AMMECR1: variants seen among roughly 807,000 people sequenced by gnomAD.
AMMECR1 encodes AMMECR nuclear protein 1, also known as nuclear protein AMMECR1.
AMMECR1 carries 3 observed loss-of-function variants against 22.5 expected under a neutral mutation model. That is an observed-to-expected ratio of 0.13 (90% CI 0.06 to 0.35). The LOEUF is 0.35. Among genes scored for constraint, AMMECR1 ranks in the 10% least tolerant of loss-of-function variants. AMMECR1 has a pLI of 1.00. For missense variants in AMMECR1, 235 were observed against 278.7 expected, an observed-to-expected ratio of 0.84 and a Z score of 1.12; for synonymous variants, 130 against 116.7, an observed-to-expected ratio of 1.11 and a Z score of -0.74.
chrX:110,401,140 C>T (rs1280502509), intron 2 of AMMECR1, among the ~76,000 whole-genome samples: 1 of 112,344 alleles, frequency 8.9e-6, no homozygotes, highest in Non-Finnish European at 1.9e-5. Context: ...AGAGGAGTAA[C>T]AAAGATACAT....
intron 1 of AMMECR1, among the ~76,000 whole-genome samples, chrX:110,280,672 A>G (rs1008669095): frequency 2.7e-5 from 3 of 111,905 alleles, no homozygotes; most frequent in Admixed American, 9.5e-5. Context: ...CTACCCAAAG[A>G]AAATGAAAAT....
chrX:110,224,821 A>G (rs1200957267), intron 2 of AMMECR1, among the ~76,000 whole-genome samples: 1 of 111,923 alleles, frequency 8.9e-6, no homozygotes, highest in Non-Finnish European at 1.9e-5. Flanking sequence ...AAAACAAAAC[A>G]AAACAAAACA....
At chrX:110,314,416 T>C (rs965415802) in intron 1 of AMMECR1, among the ~76,000 whole-genome samples, 14 of 111,937 alleles carry the variant, frequency 1.3e-4, no homozygotes, top group African/African-American at 4.5e-4. Context: ...CACATTAAAC[T>C]CACCTGGTGA....
intron 2 of AMMECR1, among the ~76,000 whole-genome samples, chrX:110,238,851 A>T (rs1472265532): frequency 8.9e-6 from 1 of 112,202 alleles, no homozygotes; most frequent in East Asian, 2.8e-4. Context: ...CAGGGGAAGG[A>T]ACAGGCAGCA....
intron 2 of AMMECR1, among the ~76,000 whole-genome samples, chrX:110,258,468 CT>C (rs2067721786): frequency 1.8e-5 from 2 of 111,640 alleles, no homozygotes; most frequent in Non-Finnish European, 3.8e-5. Context: ...CAAACTGTAC[CT>C]TAAATTAAGT....
At chrX:110,378,920 G>A (rs770900824) in intron 2 of AMMECR1, among the ~76,000 whole-genome samples, 5 of 108,468 alleles carry the variant, frequency 4.6e-5, no homozygotes, top group Admixed American at 2.0e-4. Context: ...CTGGACACCC[G>A]TCCACCCCCC....
intron 2 of AMMECR1, chrX:110,346,832 T>G (rs754353331): frequency 1.5e-6 from 1 of 679,543 alleles, no homozygotes; most frequent in African/African-American, 2.1e-5. Flanking sequence ...GGGAAACTTT[T>G]ACGCTGTTGA....
chrX:110,272,497 T>C (rs1431393520), intron 1 of AMMECR1, among the ~76,000 whole-genome samples: 2 of 112,120 alleles, frequency 1.8e-5, no homozygotes, highest in African/African-American at 3.2e-5. Flanking sequence ...TGAAAACAGT[T>C]AAGCGTTTTT....
At chrX:110,357,011 T>C (rs1473417478) in intron 2 of AMMECR1, among the ~76,000 whole-genome samples, 1 of 112,049 alleles carries the variant, frequency 8.9e-6, no homozygotes, top group Non-Finnish European at 1.9e-5. Context: ...GAGAATTACT[T>C]TTCAAAATTC....
At chrX:110,220,009 T>C (rs1224201723) in intron 2 of AMMECR1, among the ~76,000 whole-genome samples, 1 of 111,889 alleles carries the variant, frequency 8.9e-6, no homozygotes, top group Non-Finnish European at 1.9e-5. Context: ...GCCAGGCTGG[T>C]GTGGATAGCT....
intron 2 of AMMECR1, among the ~76,000 whole-genome samples, chrX:110,349,020 G>C (rs2068201315): frequency 8.9e-6 from 1 of 112,026 alleles, no homozygotes; most frequent in Non-Finnish European, 1.9e-5. Flanking sequence ...AAGAAATTCA[G>C]TGATAAGATC....
intron 2 of AMMECR1, among the ~76,000 whole-genome samples, chrX:110,387,527 G>A (rs911013153): frequency 8.9e-6 from 1 of 112,044 alleles, no homozygotes; most frequent in Admixed American, 9.4e-5. Flanking sequence ...TAGAATCATA[G>A]TTCTTAGACT....
At chrX:110,406,066 A>G (rs1156752611) in intron 2 of AMMECR1, among the ~76,000 whole-genome samples, 1 of 108,325 alleles carries the variant, frequency 9.2e-6, no homozygotes, top group East Asian at 2.8e-4. Flanking sequence ...TCCACCCCCG[A>G]CTCCCCAAAT....
intron 2 of AMMECR1, 57 bp downstream of exon 2, chrX:110,264,432 G>C: frequency 1.5e-6 from 1 of 673,770 alleles, no homozygotes. Context: ...TCAGATTCAA[G>C]TTTCATAAGT....
intron 2 of AMMECR1, among the ~76,000 whole-genome samples, chrX:110,351,146 G>A (rs1441492818): frequency 8.9e-6 from 1 of 111,923 alleles, no homozygotes; most frequent in Non-Finnish European, 1.9e-5. Context: ...GTGTGCAGGA[G>A]ACAATATTGT....
At chrX:110,321,941 G>A (rs1056609217), upstream of AMMECR1, among the ~76,000 whole-genome samples, 2 of 112,340 alleles carry the variant, frequency 1.8e-5, no homozygotes, top group African/African-American at 6.5e-5. Context: ...GAATGAATAC[G>A]TGAGTAAATA....
At chrX:110,249,253 C>T (rs2067674477) in intron 2 of AMMECR1, among the ~76,000 whole-genome samples, 1 of 109,369 alleles carries the variant, frequency 9.1e-6, no homozygotes, top group Non-Finnish European at 1.9e-5. Context: ...TGTAAGTGGA[C>T]ACCAGGGAAT....
At chrX:110,431,323 C>CTGTGTG (rs759432836) in intron 1 of AMMECR1, among the ~76,000 whole-genome samples, 7,380 of 94,845 alleles carry the variant, frequency 0.078, 843 homozygotes, top group African/African-American at 0.28. Flanking sequence ...GAGGGGAAGG[C>CTGTGTG]TGTGTGTGTG....
intron 2 of AMMECR1, among the ~76,000 whole-genome samples, chrX:110,376,678 A>G (rs1013198579): frequency 8.9e-6 from 1 of 112,409 alleles, no homozygotes; most frequent in Non-Finnish European, 1.9e-5. Flanking sequence ...AATTAGACAG[A>G]TGTGGGTTCA....
Sources: allele counts gnomAD v4.1 joint callset (sites outside exome capture counted in the v4.1 genomes callset), GRCh38; gene constraint gnomAD v4.1.1; transcripts MANE v1.5; gene names NCBI Gene and HGNC (gene_info 2026-07-23, HGNC 2026-07-21).